EBF4: variants seen among roughly 807,000 people sequenced by gnomAD.
EBF4 encodes transcription factor COE4.
In EBF4, 34 loss-of-function variants were observed where a neutral mutation model predicts 67.1. The ratio of observed to expected loss-of-function variants is 0.51; its 90% CI spans 0.39 to 0.67. EBF4 has a LOEUF of 0.67. EBF4 is among the 30% of genes least tolerant of loss of function. The probability of loss-of-function intolerance (pLI) is 0.00; values close to 1 mark genes in which losing one functional copy is unlikely to be tolerated. For missense variants in EBF4, 837 were observed against 873.3 expected, an observed-to-expected ratio of 0.96 and a Z score of 0.52; for synonymous variants, 387 against 377.7, an observed-to-expected ratio of 1.02 and a Z score of -0.29.
chr20:2,753,774 C>A (rs2088194618), intron 14 of EBF4, among the ~76,000 whole-genome samples: 1 of 152,218 alleles, frequency 6.6e-6, no homozygotes, highest in Non-Finnish European at 1.5e-5. Context: ...TGAGCCTGGC[C>A]CTGTCCTCTG....
At chr20:2,725,858 G>C (rs1042012194) in intron 6 of EBF4, among the ~76,000 whole-genome samples, 1 of 152,170 alleles carries the variant, frequency 6.6e-6, no homozygotes, top group Non-Finnish European at 1.5e-5. Flanking sequence ...ATTTGTGTTA[G>C]CTCATAGCTT....
chr20:2,747,822 T>C lies in EBF4; in HGVS notation c.558-727T>C, dbSNP rs577905206. 1.3e-5 allele frequency among the ~76,000 whole-genome samples: 2 copies of C among 152,346 alleles called. No homozygotes were observed. The highest frequency in any genetic ancestry group is 1.3e-4 in the Admixed American group (2 of 15,298). ...TACTGTGTAGGGTGGGCATACACCGTGCATGATGGGTACAGGCTCTGTGTC... is the reference window on the plus strand; with the variant it reads ...TACTGTGTAGGGTGGGCATACACCGCGCATGATGGGTACAGGCTCTGTGTC... On this transcript the variant is annotated intron_variant, in intron 6 of 16. Transcript: ENST00000609451. The surrounding 1 kb of genome is among the most constrained non-coding windows in gnomAD (Gnocchi z 4.6).
rs191460386 is a variant in EBF4 at position 2,759,084 on chromosome 20, C to T, written c.*5+100C>T. On this transcript the variant is annotated intron_variant, in intron 16 of 16. Coordinates refer to ENST00000609451, the Ensembl canonical transcript of EBF4. Reference sequence around the variant, plus strand: ...TCCTGTGCTCAAGCCTCCCCGCTAGCAGCCCCACAGGGATGGGGAGCTGGG... The same window carrying T: ...TCCTGTGCTCAAGCCTCCCCGCTAGTAGCCCCACAGGGATGGGGAGCTGGG... 4.8e-5 allele frequency: 55 copies of T among 1,146,872 alleles called. No individual in the cohort carries two copies. In the East Asian group the frequency reaches 1.0e-3, roughly 21 times the overall value. 71.0% of individuals were successfully genotyped at this position (1,146,872 alleles called of 1,614,324 possible).
Position 2,740,846 on chromosome 20 carries a change from A to G in EBF4, c.558-7703A>G, listed in dbSNP as rs182494716. Among the ~76,000 whole-genome samples the G allele has an allele frequency of 4.4e-3, 672 of 152,216 alleles. 7 individuals are homozygous for G. Among genetic ancestry groups the G allele is most frequent in the Middle Eastern group, 0.034 (10 of 294 alleles). ...AGAGTTGGTCCTCCTTGTAATGTCA[A>G]TCTGTCATTGGCTGTGGGCTACTGG... On this transcript the variant is annotated intron_variant, in intron 6 of 16. Transcript: ENST00000609451.
intron 1 of EBF4, among the ~76,000 whole-genome samples, chr20:2,698,950 G>C (rs1457918926): frequency 6.6e-6 from 1 of 152,158 alleles, no homozygotes; most frequent in African/African-American, 2.4e-5. Flanking sequence ...TGGGATTTGA[G>C]CTGGCTGTGG....
intron 7 of EBF4, among the ~76,000 whole-genome samples, chr20:2,748,949 A>G (rs1283943491): frequency 6.6e-6 from 1 of 152,162 alleles, no homozygotes; most frequent in Non-Finnish European, 1.5e-5. Context: ...CACATCCCCA[A>G]GCTGCACACC....
chr20:2,698,957 G>T (rs148785770), intron 1 of EBF4, among the ~76,000 whole-genome samples: 222 of 152,302 alleles, frequency 1.5e-3, no homozygotes, highest in African/African-American at 4.9e-3. Flanking sequence ...TGAGCTGGCT[G>T]TGGTTAAATT....
chr20:2,726,418 A>C (rs1292278537), intron 6 of EBF4, among the ~76,000 whole-genome samples: 1 of 152,100 alleles, frequency 6.6e-6, no homozygotes, highest in African/African-American at 2.4e-5. Flanking sequence ...ATGTCTCTAC[A>C]AAAATGTTTT....
chr20:2,719,858 A>T (rs2087657000), intron 6 of EBF4, among the ~76,000 whole-genome samples: 1 of 152,202 alleles, frequency 6.6e-6, no homozygotes, highest in Non-Finnish European at 1.5e-5. Flanking sequence ...AAGAATGTTT[A>T]TTCTGTTGTT....
chr20:2,727,771 T>C (rs1251484681), intron 6 of EBF4, among the ~76,000 whole-genome samples: 1 of 152,236 alleles, frequency 6.6e-6, no homozygotes, highest in Non-Finnish European at 1.5e-5. Flanking sequence ...GGGTGTGAGG[T>C]AATATTTGAT....
intron 6 of EBF4, among the ~76,000 whole-genome samples, chr20:2,717,910 A>G (rs1253131658): frequency 6.6e-6 from 1 of 151,772 alleles, no homozygotes; most frequent in South Asian, 2.1e-4. Flanking sequence ...TCCTGGGTTC[A>G]AGTGATTCTC....
Position 2,693,909 on chromosome 20 carries a change from C to A in EBF4, c.137+127C>A. The stretch of plus-strand genomic sequence containing the variant: ...AACTCTGGACGGTCCCGGCGAGCTC[C>A]CCGGCCCACCCCGTCCGGAGTGCCT... On this transcript the variant is annotated intron_variant, in intron 1 of 16. Coordinates refer to ENST00000609451, the Ensembl canonical transcript of EBF4. The surrounding 1 kb of genome is among the most constrained non-coding windows in gnomAD (Gnocchi z 4.6). The A allele has an allele frequency of 1.7e-6, 2 of 1,177,402 alleles. No homozygotes were observed. The highest frequency in any genetic ancestry group is 2.1e-6 in the Non-Finnish European group (2 of 936,968). 72.9% of individuals were successfully genotyped at this position (1,177,402 alleles called of 1,614,324 possible).
intron 1 of EBF4, among the ~76,000 whole-genome samples, chr20:2,704,085 A>G (rs960333843): frequency 1.3e-5 from 2 of 152,182 alleles, no homozygotes; most frequent in Admixed American, 6.6e-5. Context: ...CAGTGCTTTT[A>G]TGATCTAACC....
At chr20:2,714,299 TTTCC>T (rs1293925751) in intron 6 of EBF4, among the ~76,000 whole-genome samples, 1 of 151,888 alleles carries the variant, frequency 6.6e-6, no homozygotes, top group Non-Finnish European at 1.5e-5. Flanking sequence ...TCCTTCCTTC[TTTCC>T]TTCCTTCCTT....
rs2087246258 is a variant in EBF4 at position 2,693,733 on chromosome 20, T to C, written c.88T>C (p.Ser30Pro). The C allele has an allele frequency of 2.9e-6, 4 of 1,370,806 alleles. No individual in the cohort carries two copies. Among genetic ancestry groups the C allele is most frequent in the Admixed American group, 7.5e-5 (2 of 26,748 alleles). 84.9% of individuals were successfully genotyped at this position (1,370,806 alleles called of 1,614,324 possible). Residue 30 changes from serine (S) to proline (P), a missense_variant, in exon 1 of 17, where the codon TCC becomes CCC. Ser to Pro is a moderately conservative substitution (Grantham distance 74, BLOSUM62 -1). Transcript: ENST00000609451. This position sits in a 1 kb window ranked among gnomAD's most constrained non-coding sequence, Gnocchi z 4.6. ...GCCCGCCGGCCTGGGCTCAGTGCGC[T>C]CCTGGATGCAGGGCGCGGGCATCCT...
Position 2,696,327 on chromosome 20 carries a change from C to T in EBF4, c.137+2545C>T, listed in dbSNP as rs1176160579. 1.3e-5 allele frequency among the ~76,000 whole-genome samples: 2 copies of T among 152,064 alleles called. No individual in the cohort carries two copies. Among genetic ancestry groups the T allele is most frequent in the African/African-American group, 4.8e-5 (2 of 41,394 alleles). ...TCTCTACTAATAATACAAAAATTAG[C>T]TGGGCGTGGTGAAGCATGCTTGTAG... On this transcript the variant is annotated intron_variant, in intron 1 of 16. Transcript: ENST00000609451. The surrounding 1 kb of genome is among the most constrained non-coding windows in gnomAD (Gnocchi z 4.7).
At position 2,705,404 on chromosome 20, in the gene EBF4, G is replaced by A. The variant is rs759918281; in HGVS notation, c.138-173G>A. 1.3e-4 allele frequency among the ~76,000 whole-genome samples: 20 copies of A among 152,294 alleles called. 1 individual carries two copies. Among genetic ancestry groups the A allele is most frequent in the Non-Finnish European group, 2.5e-4 (17 of 68,024 alleles). On this transcript the variant is annotated intron_variant, in intron 1 of 16. Coordinates refer to ENST00000609451, the Ensembl canonical transcript of EBF4. ...CTAGGTGCTGAGAGACCTCTATCTG[G>A]AAGCGAGATGGCCCTGGTCAGGCTG... is the stretch of plus-strand genomic sequence containing the variant.
At chr20:2,749,454 C>A in exon 8 of EBF4, 1 of 1,548,698 alleles carries the variant, frequency 6.5e-7, no homozygotes, top group Non-Finnish European at 8.7e-7. Flanking sequence ...CCGTGTCCGA[C>A]AACATGTTTG....
chr20:2,703,873 G>T (rs934351349), intron 1 of EBF4, among the ~76,000 whole-genome samples: 10 of 152,280 alleles, frequency 6.6e-5, no homozygotes, highest in Admixed American at 5.2e-4. Context: ...AGCTGGGGCC[G>T]CAGTCGTCTG....
Sources: allele counts gnomAD v4.1 joint callset (sites outside exome capture counted in the v4.1 genomes callset), GRCh38; gene constraint gnomAD v4.1.1; non-coding constraint Gnocchi (gnomAD v3.1); transcripts MANE v1.5; gene names NCBI Gene and HGNC (gene_info 2026-07-23, HGNC 2026-07-21).